The following UBE2E2 variants were observed in gnomAD, a reference collection of about 807,000 sequenced individuals.
UBE2E2 encodes ubiquitin-conjugating enzyme E2 E2.
UBE2E2 carries 6 observed loss-of-function variants against 24.7 expected under a neutral mutation model. The ratio of observed to expected loss-of-function variants is 0.24; its 90% CI spans 0.13 to 0.48. The LOEUF (loss-of-function observed/expected upper bound fraction) is 0.48, where lower values mean the gene tolerates loss of function less well. Among genes scored for constraint, UBE2E2 ranks in the 20% least tolerant of loss-of-function variants. The pLI is 0.99. For synonymous variants in UBE2E2, 104 were observed against 83.6 expected, an observed-to-expected ratio of 1.24 and a Z score of -1.33; for missense variants, 169 against 245.0, an observed-to-expected ratio of 0.69 and a Z score of 2.07.
Position 23,229,213 on chromosome 3 carries a change from G to A in UBE2E2, c.227+11901G>A, listed in dbSNP as rs1208542179. Among the ~76,000 whole-genome samples, 3 of 152,260 alleles carry A rather than the reference G, an allele frequency of 2.0e-5. No individual in the cohort carries two copies. In the East Asian group the frequency reaches 5.8e-4, roughly 29 times the overall value. On this transcript the variant is annotated intron_variant, in intron 3 of 5. Transcript: ENST00000396703. ...GAATGTTTCCAGTATTTGAAGCAGT[G>A]TGCTAAATGCTTTACCAGCATTATC...
In UBE2E2 at chr3:23,328,958, G is replaced by A. The variant is rs551366299; in HGVS notation, c.227+111646G>A. ...ATTACAGGCATGAGCCATCGTGCCC[G>A]GCCTAAAATGCCTTAATCTCGATAG... On this transcript the variant is annotated intron_variant, in intron 3 of 5. Coordinates refer to ENST00000396703, the MANE Select transcript of UBE2E2 (RefSeq NM_152653.4). Among the ~76,000 whole-genome samples the A allele has an allele frequency of 3.3e-5, 5 of 152,214 alleles. No homozygotes were observed. The South Asian group carries it at 8.3e-4, about 25-fold the overall frequency.
At chr3:23,434,874 C>T (rs748801526) in intron 3 of UBE2E2, among the ~76,000 whole-genome samples, 10 of 152,130 alleles carry the variant, frequency 6.6e-5, no homozygotes, top group Admixed American at 2.6e-4. Context: ...AAAGCATTTG[C>T]GCACAGAATG....
chr3:23,569,462 G>A (rs1696171773), intron 5 of UBE2E2, among the ~76,000 whole-genome samples: 1 of 152,054 alleles, frequency 6.6e-6, no homozygotes, highest in Non-Finnish European at 1.5e-5. Flanking sequence ...ACTTTAAATG[G>A]GTGTATTGTA....
intron 3 of UBE2E2, among the ~76,000 whole-genome samples, chr3:23,257,956 A>C (rs1697782539): frequency 6.6e-6 from 1 of 152,126 alleles, no homozygotes; most frequent in South Asian, 2.1e-4. Context: ...TCATTAAAAA[A>C]TTATCTTCCT....
chr3:23,439,069 A>G (rs573399619), intron 3 of UBE2E2, among the ~76,000 whole-genome samples: 2 of 152,382 alleles, frequency 1.3e-5, no homozygotes, highest in South Asian at 4.1e-4. Context: ...AAATCAGAGT[A>G]GAATGCAAAA....
chr3:23,572,031 A>G (rs2125513071), intron 5 of UBE2E2, among the ~76,000 whole-genome samples: 1 of 152,348 alleles, frequency 6.6e-6, no homozygotes, highest in South Asian at 2.1e-4. Flanking sequence ...AATTTGGGAT[A>G]GTTAATACCT....
chr3:23,279,457 A>T (rs1052174003), intron 3 of UBE2E2, among the ~76,000 whole-genome samples: 3 of 152,178 alleles, frequency 2.0e-5, no homozygotes, highest in Non-Finnish European at 4.4e-5. Context: ...GAATGTTTAC[A>T]GGGAAAGTCA....
intron 3 of UBE2E2, among the ~76,000 whole-genome samples, chr3:23,311,438 A>G (rs1342924389): frequency 1.3e-5 from 2 of 152,182 alleles, no homozygotes; most frequent in Non-Finnish European, 2.9e-5. Flanking sequence ...ATCCTTGAGG[A>G]ACCACCACAC....
At chr3:23,324,662 T>C (rs1447267889) in intron 3 of UBE2E2, among the ~76,000 whole-genome samples, 1 of 152,144 alleles carries the variant, frequency 6.6e-6, no homozygotes. Flanking sequence ...CTTATTATTT[T>C]TTGTATCCTG....
At chr3:23,373,549 C>A (rs183182262) in intron 3 of UBE2E2, among the ~76,000 whole-genome samples, 103 of 152,172 alleles carry the variant, frequency 6.8e-4, no homozygotes, top group African/African-American at 2.3e-3. Flanking sequence ...TGAGGGAGAC[C>A]GAGATTTCAC....
intron 3 of UBE2E2, among the ~76,000 whole-genome samples, chr3:23,379,491 G>C (rs975479272): frequency 6.8e-6 from 1 of 147,250 alleles, no homozygotes; most frequent in Admixed American, 6.9e-5. Context: ...GAGAATATGC[G>C]GTGTTTGGTT....
At chr3:23,248,320 T>A (rs545865178) in intron 3 of UBE2E2, among the ~76,000 whole-genome samples, 58 of 152,358 alleles carry the variant, frequency 3.8e-4, no homozygotes, top group African/African-American at 1.2e-3. Flanking sequence ...TTCTCATATG[T>A]AGGAGAGGAA....
At chr3:23,232,281 G>A (rs1047638603) in intron 3 of UBE2E2, among the ~76,000 whole-genome samples, 3 of 152,162 alleles carry the variant, frequency 2.0e-5, no homozygotes, top group Non-Finnish European at 2.9e-5. Context: ...CCAGGAAAAC[G>A]GGGTTGAAGA....
chr3:23,492,169 C>T (rs1699513695), intron 3 of UBE2E2, among the ~76,000 whole-genome samples: 1 of 152,178 alleles, frequency 6.6e-6, no homozygotes, highest in Non-Finnish European at 1.5e-5. Context: ...ACTAGAGAAA[C>T]ACCTTCATTA....
At chr3:23,343,098 A>ACG (rs564624779) in intron 3 of UBE2E2, among the ~76,000 whole-genome samples, 1 of 101,626 alleles carries the variant, frequency 9.8e-6, no homozygotes, top group Admixed American at 1.2e-4. Flanking sequence ...ACATATTAGT[A>ACG]TGTATATATA....
chr3:23,337,253 T>G (rs187744427), intron 3 of UBE2E2, among the ~76,000 whole-genome samples: 1 of 152,328 alleles, frequency 6.6e-6, no homozygotes, highest in Non-Finnish European at 1.5e-5. Context: ...CCATAAAAAT[T>G]ATAGAAAGTG....
chr3:23,346,391 C>T (rs1695558998), intron 3 of UBE2E2, among the ~76,000 whole-genome samples: 2 of 152,182 alleles, frequency 1.3e-5, no homozygotes, highest in Non-Finnish European at 2.9e-5. Flanking sequence ...CACATCATCA[C>T]ACACAGGTTG....
At chr3:23,547,680 C>G (rs891534003) in intron 5 of UBE2E2, among the ~76,000 whole-genome samples, 2 of 152,200 alleles carry the variant, frequency 1.3e-5, no homozygotes, top group Non-Finnish European at 2.9e-5. Flanking sequence ...AAAACACCCT[C>G]GAGGATGTTG....
intron 3 of UBE2E2, among the ~76,000 whole-genome samples, chr3:23,255,750 C>T (rs1301030661): frequency 1.3e-5 from 2 of 152,142 alleles, no homozygotes; most frequent in African/African-American, 2.4e-5. Flanking sequence ...AAAATCTAAA[C>T]TATTTTACTA....
Sources: allele counts gnomAD v4.1 joint callset (sites outside exome capture counted in the v4.1 genomes callset), GRCh38; gene constraint gnomAD v4.1.1; transcripts MANE v1.5; gene names NCBI Gene and HGNC (gene_info 2026-07-23, HGNC 2026-07-21).